Variants in HOMER1 observed in about 807,000 individuals in gnomAD.
HOMER1 encodes homer protein homolog 1.
A neutral mutation model predicts 48.9 loss-of-function variants in HOMER1; 3 were observed. The ratio of observed to expected loss-of-function variants is 0.06; its 90% CI spans 0.03 to 0.16. The LOEUF (loss-of-function observed/expected upper bound fraction) is 0.16, where lower values mean the gene tolerates loss of function less well. HOMER1 is among the 10% of genes least tolerant of loss of function. The pLI, the probability that HOMER1 is intolerant of heterozygous loss-of-function variation, is 1.00. For missense variants in HOMER1, 247 were observed against 411.4 expected, an observed-to-expected ratio of 0.60 and a Z score of 3.46; for synonymous variants, 134 against 146.4, an observed-to-expected ratio of 0.92 and a Z score of 0.61.
intron 1 of HOMER1, among the ~76,000 whole-genome samples, chr5:79,482,089 G>A (rs1179772255): frequency 6.6e-6 from 1 of 152,014 alleles, no homozygotes; most frequent in Non-Finnish European, 1.5e-5. Context: ...GCATGGTGGT[G>A]TGTACATGTA....
At chr5:79,507,296 T>G (rs1322257891) in intron 1 of HOMER1, among the ~76,000 whole-genome samples, 2 of 151,306 alleles carry the variant, frequency 1.3e-5, no homozygotes, top group Admixed American at 1.3e-4. Flanking sequence ...AAGATAGATG[T>G]GAAAATTTTA....
chr5:79,448,224 A>G (rs914495274), intron 3 of HOMER1, among the ~76,000 whole-genome samples: 18 of 152,198 alleles, frequency 1.2e-4, no homozygotes, highest in Admixed American at 6.5e-4. Flanking sequence ...CAAACAGTAC[A>G]ACATCTGAAT....
chr5:79,395,888 C>T (rs377469293), intron 8 of HOMER1, among the ~76,000 whole-genome samples: 4 of 152,282 alleles, frequency 2.6e-5, no homozygotes, highest in African/African-American at 9.6e-5. Flanking sequence ...ATGTTGCAAG[C>T]ACTCAATAAA....
chr5:79,463,507 G>A (rs6893883), intron 1 of HOMER1, among the ~76,000 whole-genome samples: 96,179 of 152,082 alleles, frequency 0.63, 33,651 homozygotes, highest in East Asian at 0.99. Context: ...GATGTCACTG[G>A]ACCAACAAAT....
chr5:79,408,707 A>C (rs1749733979), intron 5 of HOMER1, among the ~76,000 whole-genome samples: 1 of 152,218 alleles, frequency 6.6e-6, no homozygotes, highest in South Asian at 2.1e-4. Flanking sequence ...TAGATATTAT[A>C]CAATACCAAA....
rs557552459 is a variant in HOMER1 at position 79,451,734 on chromosome 5, T to G, written c.163-613A>C. On this transcript the variant is annotated intron_variant, in intron 2 of 8. Coordinates refer to ENST00000334082, the MANE Select transcript of HOMER1 (RefSeq NM_004272.5). ...GCGCCCACTACCACGCCCTACTAACTTTTTTGTATTTTTTTTAGTAGAGAC... is the reference window on the plus strand; with the variant it reads ...GCGCCCACTACCACGCCCTACTAACGTTTTTGTATTTTTTTTAGTAGAGAC... Among the ~76,000 whole-genome samples, 493 of 151,752 alleles carry G rather than the reference T, an allele frequency of 3.2e-3. 3 individuals carry two copies. Among genetic ancestry groups the G allele is most frequent in the Non-Finnish European group, 5.5e-3 (371 of 67,888 alleles).
intron 4 of HOMER1, 104 bp from the exon 5 acceptor site, chr5:79,439,253 C>A (rs953046375): frequency 2.1e-6 from 2 of 972,324 alleles, no homozygotes; most frequent in Non-Finnish European, 2.9e-6. Context: ...TACTGATGAA[C>A]CAAATTTCAA....
chr5:79,396,724 A>C (rs1749395591), intron 8 of HOMER1, 99 bp downstream of exon 8: 1 of 598,644 alleles, frequency 1.7e-6, no homozygotes, highest in African/African-American at 1.9e-5. Context: ...AAAATGACCA[A>C]AAACCTACAA....
At chr5:79,473,790 G>A (rs1056069034) in intron 1 of HOMER1, among the ~76,000 whole-genome samples, 3 of 152,054 alleles carry the variant, frequency 2.0e-5, no homozygotes, top group Admixed American at 2.0e-4. Flanking sequence ...TCACCCTGCA[G>A]CAATTCCACA....
chr5:79,387,808 A>G (rs1185991931), intron 8 of HOMER1, among the ~76,000 whole-genome samples: 3 of 152,236 alleles, frequency 2.0e-5, no homozygotes, highest in Admixed American at 6.5e-5. Context: ...GTACACTGCA[A>G]TCACAGTCCT....
At chr5:79,476,248 A>C (rs10474588) in intron 1 of HOMER1, among the ~76,000 whole-genome samples, 94,557 of 152,012 alleles carry the variant, frequency 0.62, 32,550 homozygotes, top group East Asian at 0.99. Context: ...GTGGAAAAAA[A>C]ACGAACTCAA....
intron 5 of HOMER1, among the ~76,000 whole-genome samples, chr5:79,425,854 G>A (rs1482796709): frequency 1.3e-5 from 2 of 151,872 alleles, no homozygotes; most frequent in African/African-American, 4.8e-5. Flanking sequence ...TGTGAGTAAA[G>A]CACACCCTAA....
intron 5 of HOMER1, among the ~76,000 whole-genome samples, chr5:79,414,570 G>T (rs1361579553): frequency 6.7e-6 from 1 of 149,936 alleles, no homozygotes; most frequent in East Asian, 2.0e-4. Context: ...GTAGCGAGGG[G>T]GTCTTGTTAT....
chr5:79,465,949 T>C (rs1751453766), intron 1 of HOMER1, among the ~76,000 whole-genome samples: 2 of 152,192 alleles, frequency 1.3e-5, no homozygotes, highest in Non-Finnish European at 2.9e-5. Flanking sequence ...GACATGGTAT[T>C]AGTTATTAAG....
chr5:79,475,790 C>T (rs1054839526), intron 1 of HOMER1, among the ~76,000 whole-genome samples: 1 of 152,130 alleles, frequency 6.6e-6, no homozygotes, highest in African/African-American at 2.4e-5. Flanking sequence ...GCCTTCCAAA[C>T]CACACTATCA....
chr5:79,391,059 AAAT>A (rs1438070291), intron 8 of HOMER1, among the ~76,000 whole-genome samples: 1 of 152,158 alleles, frequency 6.6e-6, no homozygotes, highest in Non-Finnish European at 1.5e-5. Flanking sequence ...AGGCAGGAAT[AAAT>A]AAGATAAAAA....
At chr5:79,452,175 C>T (rs2112295569) in intron 2 of HOMER1, among the ~76,000 whole-genome samples, 1 of 152,258 alleles carries the variant, frequency 6.6e-6, no homozygotes, top group East Asian at 1.9e-4. Flanking sequence ...TATAAGTGAA[C>T]CTGCATAATT....
chr5:79,424,933 T>A (rs1008973925), intron 5 of HOMER1, among the ~76,000 whole-genome samples: 8 of 152,054 alleles, frequency 5.3e-5, no homozygotes, highest in Non-Finnish European at 1.5e-5. Context: ...CCACGCCAAG[T>A]CATTCTCTTC....
chr5:79,471,706 T>C lies in HOMER1; in HGVS notation c.6-14688A>G, dbSNP rs546554930. Among the ~76,000 whole-genome samples the C allele has an allele frequency of 5.9e-5, 9 of 152,296 alleles. No homozygotes were observed. In the South Asian group the frequency reaches 1.2e-3, roughly 21 times the overall value. On this transcript the variant is annotated intron_variant, in intron 1 of 8. Coordinates refer to ENST00000334082, the MANE Select transcript of HOMER1 (RefSeq NM_004272.5). ...TCAAGAGCCTCTAAGGTGATTCTCA[T>C]GTGCAGCCAGGAGGGAGAGCAACTA...
Sources: allele counts gnomAD v4.1 joint callset (sites outside exome capture counted in the v4.1 genomes callset), GRCh38; gene constraint gnomAD v4.1.1; transcripts MANE v1.5; gene names NCBI Gene and HGNC (gene_info 2026-07-23, HGNC 2026-07-21).